The following NXN variants were observed in gnomAD, a reference collection of about 807,000 sequenced individuals.
The protein encoded by NXN is nucleoredoxin 1.
Under a neutral mutation model 48.6 loss-of-function variants are expected in NXN, and 16 were observed. The observed-to-expected ratio is 0.33, with a 90% CI of 0.22 to 0.50. The LOEUF is 0.50. Ranked by LOEUF, NXN falls within the 20% of genes least tolerant of loss-of-function variation. The pLI is 0.98. For missense variants in NXN, 492 were observed against 605.5 expected, an observed-to-expected ratio of 0.81 and a Z score of 1.97; for synonymous variants, 281 against 269.6, an observed-to-expected ratio of 1.04 and a Z score of -0.41.
intron 5 of NXN, among the ~76,000 whole-genome samples, chr17:812,872 G>C (rs564117488): frequency 1.1e-4 from 16 of 148,360 alleles, no homozygotes; most frequent in African/African-American, 4.1e-4. Context: ...GTGTGTGTGG[G>C]TGTGTGCGCA....
intron 1 of NXN, among the ~76,000 whole-genome samples, chr17:843,263 G>A (rs147612815): frequency 4.6e-4 from 70 of 152,344 alleles, no homozygotes; most frequent in Non-Finnish European, 8.7e-4. Flanking sequence ...CACAGGGAAC[G>A]CGATCTCATC....
intron 1 of NXN, among the ~76,000 whole-genome samples, chr17:928,633 T>G (rs1806551): frequency 6.6e-6 from 1 of 151,984 alleles, no homozygotes; most frequent in East Asian, 1.9e-4. Context: ...GTCAGGAGTT[T>G]GAGACCAGCC....
chr17:824,538 C>A (rs1002928414), intron 2 of NXN, among the ~76,000 whole-genome samples: 1 of 152,218 alleles, frequency 6.6e-6, no homozygotes, highest in Non-Finnish European at 1.5e-5. Context: ...ACATCCCGGC[C>A]GTCACATCCC....
intron 1 of NXN, among the ~76,000 whole-genome samples, chr17:899,426 A>G (rs1226183974): frequency 1.3e-5 from 2 of 152,220 alleles, no homozygotes; most frequent in East Asian, 3.8e-4. Flanking sequence ...TCCTGAGCTC[A>G]TATTCTCGTG....
intron 1 of NXN, among the ~76,000 whole-genome samples, chr17:841,338 G>A (rs534434243): frequency 1.8e-4 from 28 of 152,034 alleles, no homozygotes; most frequent in Non-Finnish European, 2.9e-4. Context: ...TCCTGGTGCC[G>A]CCAACCCTGC....
In NXN at chr17:898,421, G is replaced by A. The variant is rs187274641; in HGVS notation, c.361-72343C>T. On this transcript the variant is annotated intron_variant, in intron 1 of 7. Transcript: ENST00000336868. Reference sequence around the variant, plus strand: ...TCTGCCATCTGGAGCTCGTCCGGACGCCACCTCCTCTGAGAAACTACTCTG... The same window carrying A: ...TCTGCCATCTGGAGCTCGTCCGGACACCACCTCCTCTGAGAAACTACTCTG... Among the ~76,000 whole-genome samples the A allele has an allele frequency of 5.4e-5, 2 of 36,708 alleles. 1 individual carries two copies. The highest frequency in any genetic ancestry group is 2.5e-4 in the Non-Finnish European group (2 of 8,038). The allele number at this position is 36,708 out of a possible 152,430, so 24.1% of individuals were successfully genotyped here.
chr17:928,355 T>G (rs1335014622), intron 1 of NXN, among the ~76,000 whole-genome samples: 6 of 152,172 alleles, frequency 3.9e-5, no homozygotes, highest in African/African-American at 1.2e-4. Context: ...AGATTTCCTA[T>G]GGAATCCTTG....
intron 1 of NXN, among the ~76,000 whole-genome samples, chr17:931,938 G>C (rs1228067997): frequency 6.8e-6 from 1 of 147,790 alleles, no homozygotes; most frequent in Non-Finnish European, 1.5e-5. Context: ...GAGGCCAGTA[G>C]ATCAAGACCA....
At chr17:856,191 CAA>C (rs879924370) in intron 1 of NXN, among the ~76,000 whole-genome samples, 1 of 135,954 alleles carries the variant, frequency 7.4e-6, no homozygotes. Flanking sequence ...GACTCCGTCT[CAA>C]AAAAAAAAAA....
At chr17:848,715 A>G (rs894557535) in intron 1 of NXN, among the ~76,000 whole-genome samples, 13 of 152,224 alleles carry the variant, frequency 8.5e-5, no homozygotes, top group African/African-American at 2.9e-4. Context: ...AGACACAGGC[A>G]GCTTGCCTCC....
In NXN at chr17:841,390, C is replaced by CACTG. The variant is rs1567827295; in HGVS notation, c.361-15313_361-15312insCAGT. 6.3e-5 allele frequency among the ~76,000 whole-genome samples: 7 copies of CACTG among 111,630 alleles called. 1 individual carries two copies. The highest frequency in any genetic ancestry group is 3.0e-4 in the South Asian group (1 of 3,364). 73.2% of individuals were successfully genotyped at this position (111,630 alleles called of 152,430 possible). On this transcript the variant is annotated intron_variant, in intron 1 of 7. Coordinates refer to ENST00000336868, the MANE Select transcript of NXN (RefSeq NM_022463.5). ...AGCAGCCCACACACGGTGCATCTCA[C>CACTG]GCCGGCGAGCAGGTCCCCCCTGACC...
At chr17:891,101 G>A (rs1465951959) in intron 1 of NXN, among the ~76,000 whole-genome samples, 2 of 149,154 alleles carry the variant, frequency 1.3e-5, no homozygotes, top group Admixed American at 1.3e-4. Flanking sequence ...CCGTCCATCC[G>A]TCCATCTCAC....
chr17:807,720 C>T (rs906535515), intron 5 of NXN, among the ~76,000 whole-genome samples: 20 of 152,228 alleles, frequency 1.3e-4, no homozygotes, highest in Admixed American at 3.9e-4. Flanking sequence ...GGAAGCCACT[C>T]GTGTTCGGCC....
intron 1 of NXN, among the ~76,000 whole-genome samples, chr17:900,128 G>A (rs1402364213): frequency 6.6e-6 from 1 of 152,110 alleles, no homozygotes; most frequent in Non-Finnish European, 1.5e-5. Context: ...AGCGGGGTGT[G>A]GTGGCGCATG....
intron 1 of NXN, among the ~76,000 whole-genome samples, chr17:931,909 C>T (rs1012806292): frequency 6.7e-6 from 1 of 148,214 alleles, no homozygotes; most frequent in South Asian, 2.1e-4. Flanking sequence ...TTTGGGAGGC[C>T]GAGGCGGGGG....
chr17:850,613 C>T (rs1285770477), intron 1 of NXN, among the ~76,000 whole-genome samples: 2 of 152,106 alleles, frequency 1.3e-5, no homozygotes, highest in Non-Finnish European at 2.9e-5. Context: ...CCCAGTTTTG[C>T]TCACTCGCTC....
intron 1 of NXN, among the ~76,000 whole-genome samples, chr17:908,963 G>C (rs1482981973): frequency 6.6e-6 from 1 of 152,004 alleles, no homozygotes; most frequent in Admixed American, 6.6e-5. Flanking sequence ...CAAATTAGCC[G>C]GGTGTGGTGG....
chr17:808,106 G>A (rs910349992), intron 5 of NXN, among the ~76,000 whole-genome samples: 15 of 152,238 alleles, frequency 9.9e-5, no homozygotes, highest in African/African-American at 1.2e-4. Flanking sequence ...GGCCGTGGAC[G>A]CTTCTGGGGT....
rs990342373 is a variant in NXN at position 958,373 on chromosome 17, G to A, written c.360+20946C>T. ...CTTCAAAAACTGGAAGCAGCAGGGC[G>A]CGGTGGCTCGCACCTGTCATCCCAG... is the stretch of plus-strand genomic sequence containing the variant. On this transcript the variant is annotated intron_variant, in intron 1 of 7. Transcript: ENST00000336868. This position sits in a 1 kb window ranked among gnomAD's most constrained non-coding sequence, Gnocchi z 6.9. Among the ~76,000 whole-genome samples the A allele has an allele frequency of 5.9e-5, 9 of 152,288 alleles. No homozygotes were observed. The highest frequency in any genetic ancestry group is 9.6e-5 in the African/African-American group (4 of 41,550).
Sources: allele counts gnomAD v4.1 joint callset (sites outside exome capture counted in the v4.1 genomes callset), GRCh38; gene constraint gnomAD v4.1.1; non-coding constraint Gnocchi (gnomAD v3.1); transcripts MANE v1.5; gene names NCBI Gene and HGNC (gene_info 2026-07-23, HGNC 2026-07-21).